PSORS1C1: variants seen among roughly 807,000 people sequenced by gnomAD.
PSORS1C1 encodes the protein psoriasis susceptibility 1 candidate 1.
A neutral mutation model predicts 9.4 loss-of-function variants in PSORS1C1; 7 were observed. That is an observed-to-expected ratio of 0.75 (90% CI 0.42 to 1.40). The LOEUF (loss-of-function observed/expected upper bound fraction) is 1.40, where lower values mean the gene tolerates loss of function less well. PSORS1C1 is among the 40% of genes most tolerant of loss of function. PSORS1C1 has a pLI of 0.01. For synonymous variants in PSORS1C1, 63 were observed against 69.4 expected (o/e 0.91, Z 0.46); for missense variants, 146 against 178.1 (o/e 0.82, Z 1.02).
chr6:31,138,494 T>C (rs1773277446), intron 4 of PSORS1C1, 35 bp downstream of exon 4: 1 of 1,611,132 alleles, frequency 6.2e-7, no homozygotes, highest in African/African-American at 1.3e-5. Flanking sequence ...TGGTAAAATG[T>C]CATGAACCCC....
rs570680906 is a variant in PSORS1C1 at position 31,138,780 on chromosome 6, G to A, written c.167+1G>A. ...ACATGGAGCCAGCAAACCATTTCTG[G>A]TGAGAGCCAAATGCACCTTCTGCAC... On this transcript the variant is annotated splice_donor_variant, in intron 5 of 5. Transcript: ENST00000259881. LOFTEE classifies it high-confidence loss of function. 6.3e-5 allele frequency: 102 copies of A among 1,614,072 alleles called. No homozygotes were observed. Among genetic ancestry groups the A allele is most frequent in the East Asian group, 4.5e-5 (2 of 44,868 alleles).
chr6:31,128,584 A>AG lies in PSORS1C1; in HGVS notation c.-64-980dup, dbSNP rs1042390851. ...ATTGATTACTGCCTCTGAGGATATT[A>AG]GGGGGAAAAACCCACAGGAGGTGCA... On this transcript the variant is annotated intron_variant, in intron 2 of 5. Coordinates refer to ENST00000259881, the MANE Select transcript of PSORS1C1 (RefSeq NM_014068.3). The surrounding 1 kb of genome is among the most constrained non-coding windows in gnomAD (Gnocchi z 4.3). Among the ~76,000 whole-genome samples, 1 of 152,140 alleles carries AG rather than the reference A, an allele frequency of 6.6e-6. No homozygotes were observed. Among genetic ancestry groups the AG allele is most frequent in the East Asian group, 1.9e-4 (1 of 5,192 alleles).
At chr6:31,118,076 GA>G in intron 1 of PSORS1C1, 1 of 156,078 alleles carries the variant, frequency 6.4e-6, no homozygotes, top group Non-Finnish European at 1.4e-5. Flanking sequence ...ATTCTTAGGG[GA>G]AAAATCCTGG....
Position 31,139,478 on chromosome 6 carries a change from T to G in PSORS1C1, c.168-163T>G. Reference sequence around the variant, plus strand: ...AGGATGCCTGCGCTGAGGGAGGAGGTGCTTTTCAAACCTGGGATGCAGCTG... The same window carrying G: ...AGGATGCCTGCGCTGAGGGAGGAGGGGCTTTTCAAACCTGGGATGCAGCTG... On this transcript the variant is annotated intron_variant, in intron 5 of 5. Transcript: ENST00000259881. This position sits in a 1 kb window ranked among gnomAD's most constrained non-coding sequence, Gnocchi z 5.2. 1.6e-6 allele frequency: 1 copy of G among 642,818 alleles called. No homozygotes were observed. Among genetic ancestry groups the G allele is most frequent in the Non-Finnish European group, 2.7e-6 (1 of 374,958 alleles). The allele number at this position is 642,818 out of a possible 1,614,324, so 39.8% of individuals were successfully genotyped here. A position where few individuals can be genotyped will look rare whatever the true frequency, so the allele number is the denominator to read the frequency against.
rs9501057 is a variant in PSORS1C1, at chr6:31,138,739, C to T, written c.127C>T (p.Pro43Ser). 0.036 allele frequency: 58,470 copies of T among 1,613,950 alleles called. 2,128 individuals are homozygous for T. Among genetic ancestry groups the T allele is most frequent in the East Asian group, 0.18 (7,873 of 44,858 alleles). ...SEETRPPHVN[P>S]DRLCHMEPAN... is the part of the protein sequence containing the mutation. ...GGAAACTCGTCCCCCCCACGTTAAT[C>T]CTGACCGACTTTGCCACATGGAGCC... The change falls in exon 5 of 6, where the codon CCT (proline) becomes TCT (serine). Residue 43 changes from proline to serine, a missense_variant. Pro to Ser is a moderately conservative substitution (Grantham distance 74). Coordinates refer to ENST00000259881, the MANE Select transcript of PSORS1C1 (RefSeq NM_014068.3).
intron 1 of PSORS1C1, among the ~76,000 whole-genome samples, chr6:31,122,818 C>A (rs1466742595): frequency 6.6e-6 from 1 of 152,180 alleles, no homozygotes; most frequent in Non-Finnish European, 1.5e-5. Flanking sequence ...AACATCATTT[C>A]CTCCTGTGGG....
At chr6:31,116,557 C>T in intron 1 of PSORS1C1, 1 of 1,613,858 alleles carries the variant, frequency 6.2e-7, no homozygotes, top group Non-Finnish European at 8.5e-7. Flanking sequence ...GATGGGGTTG[C>T]TGGAGAAGTA....
chr6:31,121,762 C>T (rs1772473314), intron 1 of PSORS1C1, among the ~76,000 whole-genome samples: 1 of 152,228 alleles, frequency 6.6e-6, no homozygotes, highest in Non-Finnish European at 1.5e-5. Context: ...ACCTCCTGAC[C>T]GCCCTTTAAG....
rs748469531 is a variant in PSORS1C1 at position 31,138,788 on chromosome 6, C to T, written c.167+9C>T. The T allele has an allele frequency of 2.9e-5, 46 of 1,614,006 alleles. No individual in the cohort carries two copies. Among genetic ancestry groups the T allele is most frequent in the Non-Finnish European group, 3.9e-5 (46 of 1,180,012 alleles). On this transcript the variant is annotated intron_variant, in intron 5 of 5. Coordinates refer to ENST00000259881, the MANE Select transcript of PSORS1C1 (RefSeq NM_014068.3). ...CCAGCAAACCATTTCTGGTGAGAGC[C>T]AAATGCACCTTCTGCACCATGTCCC... is the stretch of plus-strand genomic sequence containing the variant.
chr6:31,118,307 C>A (rs1772276419), intron 1 of PSORS1C1: 1 of 152,442 alleles, frequency 6.6e-6, no homozygotes, highest in Non-Finnish European at 1.5e-5. Context: ...TATCTCAGCA[C>A]TGGCCATGCC....
At chr6:31,116,800 G>A in intron 1 of PSORS1C1, 2 of 1,613,862 alleles carry the variant, frequency 1.2e-6, no homozygotes, top group Middle Eastern at 3.3e-4. Context: ...ATTGCTACAG[G>A]GGGGACCTTG....
intron 1 of PSORS1C1, chr6:31,116,883 G>A (rs1358720008): frequency 6.2e-7 from 1 of 1,613,984 alleles, no homozygotes; most frequent in African/African-American, 1.3e-5. Context: ...CTGACACAGA[G>A]TGGGAGCTGG....
In PSORS1C1 at chr6:31,128,964, A is replaced by G. The variant is rs1241032154; in HGVS notation, c.-64-605A>G. On this transcript the variant is annotated intron_variant, in intron 2 of 5. Transcript: ENST00000259881. The surrounding 1 kb of genome is among the most constrained non-coding windows in gnomAD (Gnocchi z 4.3). ...ATAGCACCCCACAGAGCAGATGCTCAATGAATGTTGATTGTGTGGGCAAAT... is the reference window on the plus strand; with the variant it reads ...ATAGCACCCCACAGAGCAGATGCTCGATGAATGTTGATTGTGTGGGCAAAT... Among the ~76,000 whole-genome samples the G allele has an allele frequency of 6.6e-6, 1 of 152,226 alleles. No homozygotes were observed. Among genetic ancestry groups the G allele is most frequent in the East Asian group, 1.9e-4 (1 of 5,196 alleles).
intron 5 of PSORS1C1, 47 bp downstream of exon 5, chr6:31,138,826 T>C (rs1227977679): frequency 2.5e-6 from 4 of 1,612,880 alleles, no homozygotes; most frequent in Non-Finnish European, 3.4e-6. Context: ...ACCCAATGTG[T>C]CCAGAAAGCC....
At chr6:31,120,452 C>T (rs778148740) in intron 1 of PSORS1C1, 79 of 1,523,282 alleles carry the variant, frequency 5.2e-5, no homozygotes, top group Non-Finnish European at 6.5e-5. Context: ...CTGATGGCAG[C>T]TCAAGGACAC....
At chr6:31,137,890 A>T in intron 3 of PSORS1C1, 1 of 723,974 alleles carries the variant, frequency 1.4e-6, no homozygotes, top group Non-Finnish European at 2.1e-6. Context: ...GGGGAATCAG[A>T]GGGTGGAGAG....
Position 31,115,950 on chromosome 6 carries a change from G to T in PSORS1C1, c.-229+1059G>T. 1 of 1,349,958 alleles carries T rather than the reference G, an allele frequency of 7.4e-7. No individual in the cohort carries two copies. Among genetic ancestry groups the T allele is most frequent in the Non-Finnish European group, 1.1e-6 (1 of 945,762 alleles). The allele number at this position is 1,349,958 out of a possible 1,614,324, so 83.6% of individuals were successfully genotyped here. A position where few individuals can be genotyped will look rare whatever the true frequency, so the allele number is the denominator to read the frequency against. ...TGAGCTAACCCTATGCCTGGGCACT[G>T]GACTTCTCCCATATGGGATATAGTG... is the stretch of plus-strand genomic sequence containing the variant. On this transcript the variant is annotated intron_variant, in intron 1 of 5. Coordinates refer to ENST00000259881, the MANE Select transcript of PSORS1C1 (RefSeq NM_014068.3). The surrounding 1 kb of genome is among the most constrained non-coding windows in gnomAD (Gnocchi z 4.2).
intron 3 of PSORS1C1, 73 bp from the exon 4 acceptor site, chr6:31,138,357 A>AC: frequency 6.6e-7 from 1 of 1,525,880 alleles, no homozygotes; most frequent in Non-Finnish European, 9.1e-7. Flanking sequence ...TTCTCTCCCC[A>AC]GCCCCACCCA....
chr6:31,139,101 A>C lies in PSORS1C1; in HGVS notation c.167+322A>C, dbSNP rs1773318638. 9 of 1,255,390 alleles carry C rather than the reference A, an allele frequency of 7.2e-6. No homozygotes were observed. In the South Asian group the frequency reaches 1.1e-4, roughly 15 times the overall value. 77.8% of individuals were successfully genotyped at this position (1,255,390 alleles called of 1,614,324 possible). On this transcript the variant is annotated intron_variant, in intron 5 of 5. Transcript: ENST00000259881. The surrounding 1 kb of genome is among the most constrained non-coding windows in gnomAD (Gnocchi z 5.2). ...GGAACCCCAAGAGGCTTTATAGGGG[A>C]GGAGTGGAGGAGGGACCAGCCCAGT...
Sources: allele counts gnomAD v4.1 joint callset (sites outside exome capture counted in the v4.1 genomes callset), GRCh38; gene constraint gnomAD v4.1.1; non-coding constraint Gnocchi (gnomAD v3.1); transcripts MANE v1.5; gene names NCBI Gene and HGNC (gene_info 2026-07-23, HGNC 2026-07-21).